Variants in ASB11 observed in about 807,000 individuals in gnomAD.
The protein encoded by ASB11 is ankyrin repeat and SOCS box containing 11.
A neutral mutation model predicts 20.1 loss-of-function variants in ASB11; 17 were observed. The ratio of observed to expected loss-of-function variants is 0.85; its 90% CI spans 0.58 to 1.27. The LOEUF (loss-of-function observed/expected upper bound fraction) is 1.27, where lower values mean the gene tolerates loss of function less well. Among genes scored for constraint, ASB11 ranks in the 50% most tolerant of loss-of-function variants. The pLI is 0.00. For missense variants in ASB11, 259 were observed against 256.9 expected (o/e 1.01, Z -0.06); for synonymous variants, 107 against 105.6 (o/e 1.01, Z -0.08).
At position 15,283,642 on chromosome X, in the gene ASB11, T is replaced by TA; in HGVS notation, c.848-14dup. 8.3e-7 allele frequency: 1 copy of TA among 1,203,066 alleles called. No homozygotes were observed. The highest frequency in any genetic ancestry group is 2.3e-4 in the Middle Eastern group (1 of 4,286). On this transcript the variant is annotated splice_polypyrimidine_tract_variant and intron_variant, in intron 6 of 6. Transcript: ENST00000480796. The stretch of plus-strand genomic sequence containing the variant: ...AGAGCAGGTGGGCCTGAGAGAGAAA[T>TA]AAAAATGGTGTTAACTTCATAGTGG...
intron 5 of ASB11, among the ~76,000 whole-genome samples, chrX:15,288,757 C>T (rs1360443973): frequency 2.7e-5 from 3 of 109,998 alleles, no homozygotes; most frequent in African/African-American, 6.6e-5. Context: ...TAGTGGTGTG[C>T]GTCTGTAATC....
chrX:15,300,728 A>C (rs1921037250), intron 2 of ASB11, among the ~76,000 whole-genome samples: 1 of 112,027 alleles, frequency 8.9e-6, no homozygotes, highest in Non-Finnish European at 1.9e-5. Context: ...CTAATGTACC[A>C]TAGCTATGTA....
Position 15,293,280 on chromosome X carries a change from T to C in ASB11, c.410A>G (p.Asn137Ser). The change falls in exon 4 of 7, where the codon AAT becomes AGT. Residue 137 changes from asparagine to serine, a missense_variant. By Grantham distance (46) the Asn-to-Ser change is conservative. Coordinates refer to ENST00000480796, the MANE Select transcript of ASB11 (RefSeq NM_080873.3). ...VTVHGATPLF[N>S]ACCSGSAACV... ...TGCAGCACTGCCGCTGCAGCAAGCATTGAAGAGGGGTGTGGCTCCGTGAAC... is the reference window on the plus strand; with the variant it reads ...TGCAGCACTGCCGCTGCAGCAAGCACTGAAGAGGGGTGTGGCTCCGTGAAC... The C allele has an allele frequency of 1.7e-6, 2 of 1,211,235 alleles. No individual in the cohort carries two copies. Among genetic ancestry groups the C allele is most frequent in the South Asian group, 1.8e-5 (1 of 56,875 alleles).
rs371751531 is a variant in ASB11, at chrX:15,315,499, G to T, written c.107C>A (p.Thr36Asn). ...LLIKVFLALL[T>N]HFYIVKGNRK... is the part of the protein sequence containing the mutation. ...ATTTCCTTTGACGATATAGAAATGG[G>T]TTAGGAGAGCCAAAAAAACTTTAAT... is the stretch of plus-strand genomic sequence containing the variant. The change falls in exon 1 of 7, where the codon ACC becomes AAC. Residue 36 changes from threonine to asparagine, a missense_variant. Thr to Asn is a moderately conservative substitution (Grantham distance 65, BLOSUM62 0). Transcript: ENST00000480796. 4.9e-5 allele frequency: 58 copies of T among 1,194,211 alleles called. 1 individual carries two copies. The highest frequency in any genetic ancestry group is 5.2e-4 in the Middle Eastern group (2 of 3,858).
At chrX:15,298,993 G>C (rs1920996371) in intron 2 of ASB11, among the ~76,000 whole-genome samples, 1 of 111,434 alleles carries the variant, frequency 9.0e-6, no homozygotes, top group East Asian at 2.8e-4. Flanking sequence ...ACTACCATGT[G>C]TCCCCTTCCT....
At chrX:15,309,247 T>G (rs1921343935) in intron 1 of ASB11, among the ~76,000 whole-genome samples, 1 of 109,658 alleles carries the variant, frequency 9.1e-6, no homozygotes, top group Non-Finnish European at 1.9e-5. Flanking sequence ...CACTCCCCTT[T>G]GCTTGCATTA....
Position 15,289,591 on chromosome X carries a change from C to T in ASB11, c.568G>A (p.Asp190Asn). Reference sequence around the variant, plus strand: ...GTTCCGAGCTGAGGCACCTCATGGTCAATGTTAACATTATTTGCCAGCAGG... The same window carrying T: ...GTTCCGAGCTGAGGCACCTCATGGTTAATGTTAACATTATTTGCCAGCAGG... ...EILLANNVNI[D>N]HEVPQLGTPL... Residue 190 changes from aspartate (D) to asparagine (N), a missense_variant, in exon 5 of 7, where the codon GAC (aspartate) becomes AAC (asparagine). By Grantham distance (23) the Asp-to-Asn change is conservative. Transcript: ENST00000480796. The T allele has an allele frequency of 8.3e-7, 1 of 1,210,027 alleles. No homozygotes were observed. Among genetic ancestry groups the T allele is most frequent in the Non-Finnish European group, 1.1e-6 (1 of 894,123 alleles).
At chrX:15,313,116 C>T (rs934316010) in intron 1 of ASB11, among the ~76,000 whole-genome samples, 5 of 111,625 alleles carry the variant, frequency 4.5e-5, no homozygotes, top group Admixed American at 1.9e-4. Context: ...ACTTATTTAG[C>T]GGCCAGGCAC....
At chrX:15,295,840 G>T (rs1468394340) in intron 3 of ASB11, among the ~76,000 whole-genome samples, 2 of 112,177 alleles carry the variant, frequency 1.8e-5, no homozygotes, top group African/African-American at 6.5e-5. Flanking sequence ...GTCTGCCTGT[G>T]ACTCCAGTCA....
chrX:15,310,594 C>G (rs981136657), intron 1 of ASB11, among the ~76,000 whole-genome samples: 1 of 112,404 alleles, frequency 8.9e-6, no homozygotes, highest in Non-Finnish European at 1.9e-5. Flanking sequence ...GTACAGCTGT[C>G]TAAGTTCCAA....
chrX:15,289,576 G>A lies in ASB11; in HGVS notation c.583C>T (p.Gln195Ter), dbSNP rs1387146962. The A allele has an allele frequency of 3.3e-6, 4 of 1,209,364 alleles. No individual in the cohort carries two copies. The highest frequency in any genetic ancestry group is 2.2e-5 in the Admixed American group (1 of 46,000). The change falls in exon 5 of 7, where the codon CAG becomes TAG. Residue 195 changes from glutamine to a stop codon, truncating the protein, a stop_gained. Transcript: ENST00000480796. LOFTEE classifies it high-confidence loss of function. ...GCCACATATAGGGGAGTTCCGAGCT[G>A]AGGCACCTCATGGTCAATGTTAACA... ...NNVNIDHEVP[Q>*]LGTPLYVACT...
chrX:15,307,754 G>A (rs1322584398), intron 1 of ASB11, among the ~76,000 whole-genome samples: 5 of 111,911 alleles, frequency 4.5e-5, no homozygotes. Flanking sequence ...GGCATGGTGG[G>A]GGCCATGCTG....
intron 5 of ASB11, among the ~76,000 whole-genome samples, chrX:15,288,970 C>G (rs998440564): frequency 6.3e-5 from 7 of 111,778 alleles, no homozygotes; most frequent in African/African-American, 9.7e-5. Context: ...TGACTAGATA[C>G]TGTAGCAGGA....
At position 15,297,627 on chromosome X, in the gene ASB11, A is replaced by C. The variant is rs767895073; in HGVS notation, c.316T>G (p.Cys106Gly). 2.5e-6 allele frequency: 3 copies of C among 1,208,505 alleles called. No homozygotes were observed. The highest frequency in any genetic ancestry group is 3.4e-6 in the Non-Finnish European group (3 of 894,372). Residue 106 changes from cysteine to glycine, a missense_variant, in exon 3 of 7, where the codon TGC becomes GGC. By Grantham distance (159) the Cys-to-Gly change is radical (BLOSUM62 -3). Transcript: ENST00000480796. ...GCACAGGCCACGTGACCTCCAAGGCATGCCTCGTGGAGAGAAGACACCCGG... is the reference window on the plus strand; with the variant it reads ...GCACAGGCCACGTGACCTCCAAGGCCTGCCTCGTGGAGAGAAGACACCCGG... ...INRVSSLHEA[C>G]LGGHVACAKA... is the part of the protein sequence containing the mutation.
chrX:15,302,881 T>C (rs1389249879), intron 1 of ASB11, 74 bp from the exon 2 acceptor site: 1 of 946,575 alleles, frequency 1.1e-6, no homozygotes, highest in African/African-American at 1.9e-5. Context: ...GCCCACCCAC[T>C]GTGAGAGGAG....
intron 6 of ASB11, among the ~76,000 whole-genome samples, chrX:15,285,003 G>C (rs1927335341): frequency 9.0e-6 from 1 of 111,382 alleles, no homozygotes; most frequent in African/African-American, 3.3e-5. Flanking sequence ...TTAAAATCTT[G>C]GGAAGCAAGA....
intron 5 of ASB11, 106 bp from the exon 6 acceptor site, chrX:15,288,178 CT>C (rs1216606577): frequency 6.1e-5 from 52 of 858,448 alleles, no homozygotes; most frequent in Non-Finnish European, 7.8e-5. Flanking sequence ...CCATGACATA[CT>C]TGACAAATGT....
At chrX:15,284,178 G>A (rs762048689) in intron 6 of ASB11, among the ~76,000 whole-genome samples, 156 of 105,676 alleles carry the variant, frequency 1.5e-3, no homozygotes, top group African/African-American at 4.8e-3. Context: ...CGTGAACCCG[G>A]GAGGCGGAGC....
chrX:15,314,568 G>A, intron 1 of ASB11: 1 of 1,041,517 alleles, frequency 9.6e-7, no homozygotes, highest in Admixed American at 3.3e-5. Context: ...CTAGTGTATT[G>A]GAATCACATA....
Sources: gnomAD v4.1 joint callset for allele counts (sites outside exome capture counted in the v4.1 genomes callset) on GRCh38, gnomAD v4.1.1 for gene constraint, MANE v1.5 for transcripts, NCBI Gene and HGNC (gene_info 2026-07-23, HGNC 2026-07-21) for gene names.